EPC1: variants seen among roughly 807,000 people sequenced by gnomAD.
The protein encoded by EPC1 is enhancer of polycomb homolog 1.
A neutral mutation model predicts 98.4 loss-of-function variants in EPC1; 12 were observed. The ratio of observed to expected loss-of-function variants is 0.12; its 90% CI spans 0.08 to 0.20. The LOEUF is 0.20. EPC1 is among the 10% of genes least tolerant of loss of function. The pLI, the probability that EPC1 is intolerant of heterozygous loss-of-function variation, is 1.00. For missense variants in EPC1, 729 were observed against 990.5 expected (o/e 0.74, Z 3.54); for synonymous variants, 357 against 363.9 (o/e 0.98, Z 0.21).
Position 32,269,037 on chromosome 10 carries a change from C to T in EPC1, c.*26G>A. 1.2e-6 allele frequency: 2 copies of T among 1,605,658 alleles called. No individual in the cohort carries two copies. Among genetic ancestry groups the T allele is most frequent in the Non-Finnish European group, 1.7e-6 (2 of 1,173,142 alleles). ...GATGCATAGCACCTAATCAAGTCCCCAGGCTGCAGTTCCACTCGGAGGAAG... is the reference window on the plus strand; with the variant it reads ...GATGCATAGCACCTAATCAAGTCCCTAGGCTGCAGTTCCACTCGGAGGAAG... On this transcript the variant is annotated 3_prime_UTR_variant, in exon 14 of 14. Coordinates refer to ENST00000319778, the MANE Select transcript of EPC1 (RefSeq NM_001272004.3).
intron 10 of EPC1, among the ~76,000 whole-genome samples, chr10:32,278,451 G>A (rs190821615): frequency 0.13 from 13,553 of 103,306 alleles, 1,204 homozygotes; most frequent in South Asian, 0.29. Context: ...GCAGGATCTC[G>A]GCTCACTGCA....
Position 32,267,827 on chromosome 10 carries a change from C to A in EPC1, c.*1236G>T, listed in dbSNP as rs1187449647. On this transcript the variant is annotated 3_prime_UTR_variant, in exon 14 of 14. Coordinates refer to ENST00000319778, the MANE Select transcript of EPC1 (RefSeq NM_001272004.3). ...CAATTTTTCCAGGTGGGATTAAAAACCTTAAGGATAATGTATGCCATTGGA... is the reference window on the plus strand; with the variant it reads ...CAATTTTTCCAGGTGGGATTAAAAAACTTAAGGATAATGTATGCCATTGGA... 1 of 152,166 alleles carries A rather than the reference C, an allele frequency of 6.6e-6. No homozygotes were observed. The highest frequency in any genetic ancestry group is 1.5e-5 in the Non-Finnish European group (1 of 68,038). 9.4% of individuals were successfully genotyped at this position (152,166 alleles called of 1,614,324 possible).
chr10:32,333,409 G>T (rs139798796), intron 1 of EPC1, among the ~76,000 whole-genome samples: 17 of 152,282 alleles, frequency 1.1e-4, no homozygotes, highest in Admixed American at 3.9e-4. Context: ...ATTTAGCAAA[G>T]GAGAGTTTCA....
intron 1 of EPC1, among the ~76,000 whole-genome samples, chr10:32,355,611 T>G (rs554631338): frequency 0.15 from 132 of 904 alleles, no homozygotes; most frequent in Middle Eastern, 0.5. Context: ...CTTACCCTTT[T>G]TTTTTTTTTT....
chr10:32,271,394 GT>G (rs1215909452), intron 13 of EPC1, among the ~76,000 whole-genome samples, 159 bp downstream of exon 13: 1 of 152,132 alleles, frequency 6.6e-6, no homozygotes, highest in Non-Finnish European at 1.5e-5. Flanking sequence ...TTCAAGAACT[GT>G]TTAGTTCTTG....
In EPC1 at chr10:32,378,548, T is replaced by C. The variant is rs1304436258; in HGVS notation, c.-55A>G. 5.0e-6 allele frequency: 7 copies of C among 1,403,316 alleles called. No homozygotes were observed. In the Admixed American group the frequency reaches 6.3e-5, roughly 13 times the overall value. The allele number at this position is 1,403,316 out of a possible 1,614,324, so 86.9% of individuals were successfully genotyped here. ...GAAAAAAAATTGTAACAATATAGGC[T>C]GGATACTTGTGTCCCTAGAAACAAC... On this transcript the variant is annotated 5_prime_UTR_variant, in exon 1 of 14. Coordinates refer to the EPC1 transcript ENST00000375110.
intron 1 of EPC1, among the ~76,000 whole-genome samples, chr10:32,329,110 C>T (rs1326406628): frequency 6.6e-6 from 1 of 152,180 alleles, no homozygotes; most frequent in East Asian, 1.9e-4. Context: ...GATTGTACCT[C>T]CTGGCTCCTT....
chr10:32,278,723 C>T (rs985691458), intron 10 of EPC1, among the ~76,000 whole-genome samples: 9 of 152,008 alleles, frequency 5.9e-5, no homozygotes, highest in Admixed American at 3.9e-4. Flanking sequence ...TAATATAAAA[C>T]AAAAGGTAAA....
rs1315900088 is a variant in EPC1 at position 32,271,573 on chromosome 10, A to G, written c.2350T>C (p.Ser784Pro). The G allele has an allele frequency of 6.2e-7, 1 of 1,614,052 alleles. No homozygotes were observed. Among genetic ancestry groups the G allele is most frequent in the South Asian group, 1.1e-5 (1 of 91,080 alleles). The change falls in exon 13 of 14, where the codon TCT becomes CCT. Residue 784 changes from serine (S) to proline (P), a missense_variant. Ser to Pro is a moderately conservative substitution (Grantham distance 74). Coordinates refer to ENST00000319778, the MANE Select transcript of EPC1 (RefSeq NM_001272004.3). Reference protein sequence around the residue: ...CQVSKVPSSSSVDSVPRENHE... With the variant: ...CQVSKVPSSSPVDSVPRENHE... ...ACTCACCTTGGAACTGAATCTACAG[A>G]GGATGAAGATGGGACCTTGGAAACT...
At chr10:32,304,042 A>G (rs948773933) in intron 2 of EPC1, among the ~76,000 whole-genome samples, 4 of 152,220 alleles carry the variant, frequency 2.6e-5, no homozygotes, top group African/African-American at 9.6e-5. Context: ...AAATTTGTAC[A>G]ATAAAAAATT....
At chr10:32,282,178 A>T (rs1836444337) in intron 10 of EPC1, 1 of 152,188 alleles carries the variant, frequency 6.6e-6, no homozygotes, top group Non-Finnish European at 1.5e-5. Context: ...GCAAAATTTA[A>T]GGAGAAATTG....
At chr10:32,365,535 C>T (rs991293397) in intron 1 of EPC1, among the ~76,000 whole-genome samples, 4 of 152,004 alleles carry the variant, frequency 2.6e-5, no homozygotes, top group Non-Finnish European at 4.4e-5. Flanking sequence ...ACATTTAGGC[C>T]GGGGACGTGG....
At chr10:32,310,575 T>C (rs952756344) in intron 1 of EPC1, among the ~76,000 whole-genome samples, 1 of 152,246 alleles carries the variant, frequency 6.6e-6, no homozygotes, top group Non-Finnish European at 1.5e-5. Context: ...AATATTATAG[T>C]GAACACTCAC....
At chr10:32,343,616 TCTGAA>T (rs766416729) in intron 1 of EPC1, among the ~76,000 whole-genome samples, 7 of 150,444 alleles carry the variant, frequency 4.7e-5, no homozygotes, top group Non-Finnish European at 8.9e-5. Context: ...TTTACCACAA[TCTGAA>T]GTTACTTTTT....
At chr10:32,330,022 T>C (rs892445489) in intron 1 of EPC1, among the ~76,000 whole-genome samples, 2 of 152,156 alleles carry the variant, frequency 1.3e-5, no homozygotes, top group South Asian at 2.1e-4. Context: ...TGAAGTGAAT[T>C]TGAAGGCTTT....
intron 1 of EPC1, among the ~76,000 whole-genome samples, chr10:32,370,264 A>T (rs1186447326): frequency 6.6e-6 from 1 of 152,114 alleles, no homozygotes; most frequent in African/African-American, 2.4e-5. Context: ...ATTAATCTTT[A>T]TGTAGGTCTG....
At chr10:32,307,941 T>A (rs1417137184) in intron 1 of EPC1, among the ~76,000 whole-genome samples, 1 of 152,200 alleles carries the variant, frequency 6.6e-6, no homozygotes, top group African/African-American at 2.4e-5. Context: ...AACATATAAG[T>A]TAGATGTTTT....
At position 32,272,204 on chromosome 10, in the gene EPC1, A is replaced by G. The variant is rs530402579; in HGVS notation, c.1864-37T>C. The G allele has an allele frequency of 3.9e-6, 6 of 1,538,516 alleles. No individual in the cohort carries two copies. In the African/African-American group the frequency reaches 8.3e-5, roughly 21 times the overall value. On this transcript the variant is annotated intron_variant, in intron 11 of 13. Transcript: ENST00000319778. The stretch of plus-strand genomic sequence containing the variant: ...ATACAAAAGAAATCTAATCAGTATC[A>G]CTTAGTATCAAATCAATATCAAAAC...
Position 32,366,998 on chromosome 10 carries a change from G to T in EPC1, c.3+11493C>A, listed in dbSNP as rs142459069. On this transcript the variant is annotated intron_variant, in intron 1 of 13. Coordinates refer to the EPC1 transcript ENST00000375110. The stretch of plus-strand genomic sequence containing the variant: ...TGTACGTATGTATGTATGTATGTAT[G>T]TATTTTTAATTTTTTGAGAAAGAGT... Among the ~76,000 whole-genome samples, 1,402 of 152,170 alleles carry T rather than the reference G, an allele frequency of 9.2e-3. 19 individuals carry two copies. Among genetic ancestry groups the T allele is most frequent in the African/African-American group, 0.032 (1,339 of 41,526 alleles).
Sources: allele counts gnomAD v4.1 joint callset (sites outside exome capture counted in the v4.1 genomes callset), GRCh38; gene constraint gnomAD v4.1.1; transcripts MANE v1.5; gene names NCBI Gene and HGNC (gene_info 2026-07-23, HGNC 2026-07-21).